Variants in PCDH15 observed in about 807,000 individuals in gnomAD.
PCDH15 encodes protocadherin-15.
PCDH15 carries 129 observed loss-of-function variants against 178.5 expected under a neutral mutation model. That is an observed-to-expected ratio of 0.72 (90% CI 0.63 to 0.84). The LOEUF is 0.84. Ranked by LOEUF, PCDH15 falls within the 40% of genes least tolerant of loss-of-function variation. The pLI is 0.00. For synonymous variants in PCDH15, 800 were observed against 732.0 expected (o/e 1.09, Z -1.50); for missense variants, 2,230 against 2,099.9 (o/e 1.06, Z -1.21).
At chr10:53,975,883 T>C (rs969558064) in intron 21 of PCDH15, among the ~76,000 whole-genome samples, 8 of 152,200 alleles carry the variant, frequency 5.3e-5, no homozygotes, top group African/African-American at 1.9e-4. Context: ...GATTTCCTTC[T>C]AGGATTTTTA....
At chr10:55,311,478 G>A (rs1224823242) in intron 1 of PCDH15, among the ~76,000 whole-genome samples, 4 of 152,136 alleles carry the variant, frequency 2.6e-5, no homozygotes, top group Non-Finnish European at 4.4e-5. Flanking sequence ...ACAGTGCCTG[G>A]CATATATTAG....
At chr10:53,852,804 G>A (rs1298592074) in intron 28 of PCDH15, among the ~76,000 whole-genome samples, 1 of 152,020 alleles carries the variant, frequency 6.6e-6, no homozygotes, top group Non-Finnish European at 1.5e-5. Flanking sequence ...TCATCGGATA[G>A]GGATGTCTCA....
intron 3 of PCDH15, among the ~76,000 whole-genome samples, chr10:54,813,825 T>C (rs1189951007): frequency 1.3e-5 from 2 of 152,220 alleles, no homozygotes; most frequent in Admixed American, 6.5e-5. Flanking sequence ...GAAATTTGTT[T>C]AATGTCCACA....
intron 3 of PCDH15, among the ~76,000 whole-genome samples, chr10:54,398,789 C>T (rs1310728680): frequency 1.3e-5 from 2 of 151,962 alleles, no homozygotes; most frequent in African/African-American, 4.8e-5. Flanking sequence ...AATCAATAGC[C>T]TTGCAGACAA....
At chr10:55,590,903 A>C (rs1352959128) in intron 2 of PCDH15, among the ~76,000 whole-genome samples, 2 of 152,164 alleles carry the variant, frequency 1.3e-5, no homozygotes, top group Non-Finnish European at 2.9e-5. Context: ...ATTTCCTAAG[A>C]AATAAGAGAA....
intron 2 of PCDH15, among the ~76,000 whole-genome samples, chr10:55,023,067 G>A (rs897411653): frequency 6.6e-6 from 1 of 151,988 alleles, no homozygotes; most frequent in African/African-American, 2.4e-5. Context: ...TCAGCCTCCC[G>A]AGTAGCTGGG....
intron 2 of PCDH15, among the ~76,000 whole-genome samples, chr10:54,936,199 C>G (rs1024447461): frequency 2.0e-5 from 3 of 151,934 alleles, no homozygotes; most frequent in Non-Finnish European, 4.4e-5. Context: ...AATATTTATC[C>G]ATGTTGTTGC....
chr10:54,435,027 AT>A (rs1345147367), intron 3 of PCDH15, among the ~76,000 whole-genome samples: 3 of 148,644 alleles, frequency 2.0e-5, no homozygotes, highest in Admixed American at 2.0e-4. Context: ...ATATGTATTT[AT>A]TTACTTCTCT....
rs1218323811 is a variant in PCDH15 at position 53,811,552 on chromosome 10, T to C, written c.4559A>G (p.His1520Arg). ...TTTTAAAAATCTGAAGATGTACCCA[T>C]GCTCATAACTGTAATAATCTTGTCC... ...EYGQDYYSYE[H>R]GYEMPQYGSR... Residue 1520 changes from histidine (H) to arginine (R), a missense_variant, in exon 36 of 38, where the codon CAT becomes CGT. Transcript: ENST00000644397. The C allele has an allele frequency of 1.9e-5, 29 of 1,541,880 alleles. No homozygotes were observed. The highest frequency in any genetic ancestry group is 2.4e-5 in the Non-Finnish European group (27 of 1,139,126).
intron 1 of PCDH15, among the ~76,000 whole-genome samples, chr10:54,763,958 G>A (rs957875895): frequency 6.6e-6 from 1 of 151,370 alleles, no homozygotes; most frequent in Non-Finnish European, 1.5e-5. Context: ...CAAATATAAC[G>A]TATTAGATCT....
At chr10:54,542,662 T>C (rs533327622) in intron 2 of PCDH15, among the ~76,000 whole-genome samples, 5 of 152,308 alleles carry the variant, frequency 3.3e-5, no homozygotes, top group African/African-American at 9.6e-5. Flanking sequence ...ATGTTTCATA[T>C]AGAACAGGAA....
At chr10:55,602,628 A>G (rs1241899843) in intron 2 of PCDH15, among the ~76,000 whole-genome samples, 3 of 152,084 alleles carry the variant, frequency 2.0e-5, no homozygotes. Flanking sequence ...GCAGGGGCAC[A>G]CTGACACCTC....
chr10:54,969,501 G>C (rs937595057), intron 2 of PCDH15, among the ~76,000 whole-genome samples: 1 of 152,106 alleles, frequency 6.6e-6, no homozygotes, highest in African/African-American at 2.4e-5. Flanking sequence ...ATAGCCTCAG[G>C]TAGTTTCCTT....
intron 8 of PCDH15, among the ~76,000 whole-genome samples, chr10:54,250,235 CAAT>C (rs1327774230): frequency 1.4e-5 from 2 of 147,706 alleles, no homozygotes; most frequent in African/African-American, 2.5e-5. Context: ...TTGCAAAACT[CAAT>C]GATGCCATGC....
rs149484289 is a variant in PCDH15 at position 54,903,144 on chromosome 10, A to T, written c.-79-5644T>A. Among the ~76,000 whole-genome samples, 17 of 152,266 alleles carry T rather than the reference A, an allele frequency of 1.1e-4. No individual in the cohort carries two copies. The East Asian group carries it at 2.5e-3, about 22-fold the overall frequency. ...CTTCATAAAGATGACGGTTGGAGGT[A>T]TGAAGGAGGAAACAGACTAGGTACG... On this transcript the variant is annotated intron_variant, in intron 2 of 5. Transcript: ENST00000458638.
At chr10:54,400,914 T>G (rs1391460649) in intron 3 of PCDH15, among the ~76,000 whole-genome samples, 1 of 152,024 alleles carries the variant, frequency 6.6e-6, no homozygotes, top group Non-Finnish European at 1.5e-5. Flanking sequence ...TTACTTGATT[T>G]TTATAGGTAT....
chr10:55,086,051 G>A (rs1026663292), intron 2 of PCDH15, among the ~76,000 whole-genome samples: 1 of 151,368 alleles, frequency 6.6e-6, no homozygotes, highest in African/African-American at 2.4e-5. Flanking sequence ...ATTGTAATTT[G>A]GGGATATATT....
intron 2 of PCDH15, among the ~76,000 whole-genome samples, chr10:55,049,031 CCATTGCT>C (rs1841087089): frequency 6.6e-6 from 1 of 151,884 alleles, no homozygotes; most frequent in African/African-American, 2.4e-5. Context: ...GACAGAGAGA[CCATTGCT>C]GCACTCATCC....
intron 3 of PCDH15, among the ~76,000 whole-genome samples, chr10:54,441,438 A>G (rs2075783903): frequency 6.6e-6 from 1 of 151,862 alleles, no homozygotes; most frequent in Admixed American, 6.6e-5. Flanking sequence ...CCCTCTGGCC[A>G]GTGTTCTGGA....
Sources: gnomAD v4.1 joint callset for allele counts (sites outside exome capture counted in the v4.1 genomes callset) on GRCh38, gnomAD v4.1.1 for gene constraint, MANE v1.5 for transcripts, NCBI Gene and HGNC (gene_info 2026-07-23, HGNC 2026-07-21) for gene names.